SCN10A: variants seen among roughly 807,000 people sequenced by gnomAD.
The protein encoded by SCN10A is sodium voltage-gated channel alpha subunit 10, also known as sodium channel protein type 10 subunit alpha.
Under a neutral mutation model 170.7 loss-of-function variants are expected in SCN10A, and 162 were observed. That is an observed-to-expected ratio of 0.95 (90% confidence interval 0.84 to 1.08). The LOEUF is 1.08. Ranked by LOEUF, SCN10A falls within the 50% of genes least tolerant of loss-of-function variation. The pLI is 0.00. For missense variants in SCN10A, 2,527 were observed against 2,436.9 expected (o/e 1.04, Z -0.78); for synonymous variants, 985 against 904.6 (o/e 1.09, Z -1.59).
At chr3:38,707,931 C>A (rs892382577) in intron 25 of SCN10A, among the ~76,000 whole-genome samples, 1 of 152,164 alleles carries the variant, frequency 6.6e-6, no homozygotes, top group African/African-American at 2.4e-5. Context: ...TCACACTGCC[C>A]TCTGCTGTTA....
intron 4 of SCN10A, among the ~76,000 whole-genome samples, chr3:38,786,511 G>A (rs576372722): frequency 6.6e-6 from 1 of 152,200 alleles, no homozygotes; most frequent in African/African-American, 2.4e-5. Context: ...ATAGCATTAG[G>A]AGAAATACCT....
chr3:38,717,953 A>T (rs1490345672), intron 21 of SCN10A, among the ~76,000 whole-genome samples: 1 of 152,248 alleles, frequency 6.6e-6, no homozygotes, highest in African/African-American at 2.4e-5. Context: ...AGAAGCACAC[A>T]GTCAATTCTC....
At chr3:38,761,070 G>T in intron 7 of SCN10A, 122 bp downstream of exon 7, 1 of 771,508 alleles carries the variant, frequency 1.3e-6, no homozygotes, top group Non-Finnish European at 2.1e-6. Context: ...GAACCATTTT[G>T]GCAGGAAAGG....
intron 11 of SCN10A, among the ~76,000 whole-genome samples, chr3:38,753,459 C>T (rs1410851001): frequency 6.6e-6 from 1 of 152,174 alleles, no homozygotes; most frequent in Non-Finnish European, 1.5e-5. Context: ...AGTGGAGAAT[C>T]TTGCCAATTG....
At chr3:38,775,434 C>T (rs1187186161) in intron 4 of SCN10A, among the ~76,000 whole-genome samples, 1 of 152,122 alleles carries the variant, frequency 6.6e-6, no homozygotes, top group East Asian at 1.9e-4. Flanking sequence ...GAATGATATT[C>T]AATTGTTTAC....
chr3:38,806,446 A>G (rs182200448), intron 1 of SCN10A, among the ~76,000 whole-genome samples: 3 of 152,320 alleles, frequency 2.0e-5, no homozygotes, highest in Non-Finnish European at 4.4e-5. Context: ...AGTCAGCTAC[A>G]GAAACCTTGA....
At chr3:38,756,086 T>A (rs1490376037) in intron 10 of SCN10A, 128 bp from the exon 11 acceptor site, 1 of 988,024 alleles carries the variant, frequency 1.0e-6, no homozygotes, top group African/African-American at 1.6e-5. Context: ...AGGACCAGGG[T>A]GGTGGTGGGA....
intron 14 of SCN10A, among the ~76,000 whole-genome samples, chr3:38,740,164 A>C (rs927825411): frequency 6.6e-6 from 1 of 152,254 alleles, no homozygotes; most frequent in Non-Finnish European, 1.5e-5. Context: ...ATGCATGTGC[A>C]GTTCTTAACA....
chr3:38,787,753 T>C (rs898650292), intron 4 of SCN10A, among the ~76,000 whole-genome samples: 1 of 152,156 alleles, frequency 6.6e-6, no homozygotes, highest in African/African-American at 2.4e-5. Flanking sequence ...ACCCGTGCCA[T>C]GGTGGTTTGC....
intron 4 of SCN10A, among the ~76,000 whole-genome samples, chr3:38,777,581 G>C (rs1459075619): frequency 1.3e-5 from 2 of 152,040 alleles, no homozygotes; most frequent in African/African-American, 4.8e-5. Context: ...TGTAAGAAAA[G>C]AGCTGGAAAA....
At chr3:38,785,660 C>G (rs1442889756) in intron 4 of SCN10A, among the ~76,000 whole-genome samples, 3 of 152,098 alleles carry the variant, frequency 2.0e-5, no homozygotes, top group Admixed American at 2.0e-4. Flanking sequence ...AGAGCTTCTG[C>G]ACAGCAAAAG....
At chr3:38,715,057 T>G (rs1402634937) in intron 21 of SCN10A, among the ~76,000 whole-genome samples, 1 of 152,186 alleles carries the variant, frequency 6.6e-6, no homozygotes, top group East Asian at 1.9e-4. Context: ...AGTGGCTTAT[T>G]GCACCAGGAC....
intron 4 of SCN10A, among the ~76,000 whole-genome samples, chr3:38,788,216 C>CAAAAAAAA (rs561959910): frequency 2.0e-5 from 2 of 97,840 alleles, no homozygotes; most frequent in African/African-American, 4.0e-5. Context: ...TTATGATTAG[C>CAAAAAAAA]AAAAAAAAAA....
chr3:38,738,130 G>A (rs911892812), intron 15 of SCN10A, among the ~76,000 whole-genome samples: 1 of 151,764 alleles, frequency 6.6e-6, no homozygotes, highest in African/African-American at 2.4e-5. Context: ...TTGTAGAGAC[G>A]GGGTTTCACC....
chr3:38,728,962 T>G, intron 15 of SCN10A, 61 bp from the exon 16 acceptor site: 1 of 1,527,582 alleles, frequency 6.5e-7, no homozygotes, highest in Non-Finnish European at 8.8e-7. Flanking sequence ...TCATCTAAAG[T>G]TTTGCCTGGA....
At chr3:38,795,241 A>G (rs2064331714) in intron 1 of SCN10A, among the ~76,000 whole-genome samples, 1 of 151,528 alleles carries the variant, frequency 6.6e-6, no homozygotes, top group East Asian at 1.9e-4. Flanking sequence ...TTGCCCTCCT[A>G]TCTCACTAAA....
rs533136525 is a variant in SCN10A at position 38,793,798 on chromosome 3, T to G, written c.213A>C (p.Pro71=). ...NQLPKFYGEL[P]AELIGEPLED... ...CCAGGGGCTCCCCGATCAGTTCTGC[T>G]GGGAGCTCACCATAGAACTTGGGCA... The change falls in exon 2 of 28, where the codon CCA becomes CCC. Residue 71 remains proline, a synonymous_variant. Coordinates refer to ENST00000449082, the MANE Select transcript of SCN10A (RefSeq NM_006514.4). 4 of 1,613,940 alleles carry G rather than the reference T, an allele frequency of 2.5e-6. No homozygotes were observed. The South Asian group carries it at 4.4e-5, about 18-fold the overall frequency.
chr3:38,745,591 C>T, intron 13 of SCN10A, among the ~76,000 whole-genome samples: 1 of 152,182 alleles, frequency 6.6e-6, no homozygotes. Flanking sequence ...AAAAAATTGT[C>T]TGTACACCAT....
chr3:38,764,623 G>A (rs2063911732), intron 5 of SCN10A, among the ~76,000 whole-genome samples: 1 of 152,076 alleles, frequency 6.6e-6, no homozygotes. Flanking sequence ...TTGGTTGATG[G>A]GCATTTAGGC....
Sources: allele counts gnomAD v4.1 joint callset (sites outside exome capture counted in the v4.1 genomes callset), GRCh38; gene constraint gnomAD v4.1.1; transcripts MANE v1.5; gene names NCBI Gene and HGNC (gene_info 2026-07-23, HGNC 2026-07-21).